The following COL6A5 variants were observed in gnomAD, a reference collection of about 807,000 sequenced individuals.
COL6A5 encodes collagen alpha-5(VI) chain.
In COL6A5, 48 loss-of-function variants were observed where a neutral mutation model predicts 65.6. The ratio of observed to expected loss-of-function variants is 0.73; its 90% CI spans 0.58 to 0.93. COL6A5 has a LOEUF of 0.93. Among genes scored for constraint, COL6A5 ranks in the 40% least tolerant of loss-of-function variants. COL6A5 has a pLI of 0.00. For synonymous variants in COL6A5, 291 were observed against 322.8 expected (o/e 0.90, Z 1.05); for missense variants, 914 against 928.3 (o/e 0.98, Z 0.20).
chr3:130,379,935 G>C (rs1052153893), exon 4 of COL6A5: 1 of 1,551,330 alleles, frequency 6.4e-7, no homozygotes. Context: ...CAATTTCCAC[G>C]CTGAAGTCCT....
At chr3:130,385,180 C>A (rs751002240) in exon 5 of COL6A5, 3 of 1,550,806 alleles carry the variant, frequency 1.9e-6, no homozygotes, top group African/African-American at 2.7e-5. Context: ...CAGACAGAGT[C>A]GTGGAACCTG....
intron 3 of COL6A5, among the ~76,000 whole-genome samples, chr3:130,377,135 C>T (rs1318221382): frequency 6.6e-6 from 1 of 152,078 alleles, no homozygotes; most frequent in Non-Finnish European, 1.5e-5. Flanking sequence ...TTTTGGGTTT[C>T]GGTTCCTTGC....
intron 6 of COL6A5, among the ~76,000 whole-genome samples, chr3:130,469,785 G>T (rs1458378830): frequency 6.6e-6 from 1 of 151,986 alleles, no homozygotes; most frequent in African/African-American, 2.4e-5. Flanking sequence ...AATCTTCAGT[G>T]CAGTCCTCAG....
At chr3:130,359,343 A>G (rs1356099162) in intron 1 of COL6A5, among the ~76,000 whole-genome samples, 1 of 152,154 alleles carries the variant, frequency 6.6e-6, no homozygotes, top group Non-Finnish European at 1.5e-5. Context: ...GAGCACAGCC[A>G]TGCAGGGCCA....
In COL6A5 at chr3:130,362,314, ATATATATATATATTT is replaced by A. The variant is rs1559858055; in HGVS notation, c.-28-11295_-28-11281del. On this transcript the variant is annotated intron_variant and NMD_transcript_variant, in intron 1 of 41. Transcript: ENST00000312481. ...CATATATATATATATATATATATAT[ATATATATATATATTT>A]TTTTTTTTTTTTTTTTTTGCATGTG... Among the ~76,000 whole-genome samples the A allele has an allele frequency of 3.9e-4, 6 of 15,512 alleles. 1 individual carries two copies. The highest frequency in any genetic ancestry group is 5.6e-4 in the Non-Finnish European group (4 of 7,154). 10.2% of individuals were successfully genotyped at this position (15,512 alleles called of 152,430 possible).
intron 1 of COL6A5, among the ~76,000 whole-genome samples, chr3:130,434,182 G>A (rs542711315): frequency 7.9e-5 from 12 of 152,218 alleles, no homozygotes; most frequent in African/African-American, 2.6e-4. Context: ...GTGAGAACAC[G>A]CGGTGTTTGG....
At chr3:130,391,070 G>GC in intron 6 of COL6A5, 109 bp from the exon 7 acceptor site, 1 of 754,844 alleles carries the variant, frequency 1.3e-6, no homozygotes, top group South Asian at 1.9e-5. Flanking sequence ...GAGATATAGT[G>GC]TCTGACACAT....
intron 1 of COL6A5, among the ~76,000 whole-genome samples, chr3:130,349,915 G>A (rs1481679792): frequency 6.6e-6 from 1 of 152,152 alleles, no homozygotes; most frequent in Non-Finnish European, 1.5e-5. Context: ...TTCTTGGCAT[G>A]GAACTCCTAT....
At chr3:130,346,068 T>G in intron 1 of COL6A5, 87 bp downstream of exon 1, 1 of 398,014 alleles carries the variant, frequency 2.5e-6, no homozygotes, top group East Asian at 3.6e-5. Flanking sequence ...AGGATTCTCC[T>G]TTCTGGTGAT....
chr3:130,429,494 TG>T, upstream of COL6A5: 3 of 1,271,750 alleles, frequency 2.4e-6, no homozygotes, highest in Non-Finnish European at 3.3e-6. Flanking sequence ...TTTTCAGCTT[TG>T]TTAAAATGTT....
intron 1 of COL6A5, among the ~76,000 whole-genome samples, chr3:130,349,563 CATAAT>C (rs1439479993): frequency 6.6e-6 from 1 of 152,104 alleles, no homozygotes; most frequent in Non-Finnish European, 1.5e-5. Context: ...TTAAGTAAAT[CATAAT>C]GTAATAATCT....
chr3:130,368,271 G>A (rs1034710060), intron 1 of COL6A5, among the ~76,000 whole-genome samples: 3 of 152,288 alleles, frequency 2.0e-5, no homozygotes, highest in Admixed American at 6.5e-5. Context: ...TTTATCAGTC[G>A]CAGGATATTC....
chr3:130,457,497 C>T (rs1436981831), intron 5 of COL6A5, among the ~76,000 whole-genome samples: 1 of 151,814 alleles, frequency 6.6e-6, no homozygotes, highest in Non-Finnish European at 1.5e-5. Context: ...GTGTAAGGTC[C>T]CATTTGGCTG....
intron 24 of COL6A5, among the ~76,000 whole-genome samples, chr3:130,418,581 A>G (rs185678452): frequency 2.8e-4 from 43 of 152,276 alleles, no homozygotes; most frequent in Non-Finnish European, 6.0e-4. Flanking sequence ...AGGCAAATGC[A>G]TCAGCAAATG....
intron 25 of COL6A5, among the ~76,000 whole-genome samples, chr3:130,419,391 T>G (rs1183215034): frequency 6.6e-6 from 1 of 152,154 alleles, no homozygotes; most frequent in Non-Finnish European, 1.5e-5. Flanking sequence ...GCAGCCAGTA[T>G]AGGAACAATT....
chr3:130,472,242 G>A (rs1468676372), intron 7 of COL6A5, among the ~76,000 whole-genome samples: 3 of 152,056 alleles, frequency 2.0e-5, no homozygotes, highest in Non-Finnish European at 4.4e-5. Flanking sequence ...GTGCAAAATC[G>A]GGGTGAAGGG....
intron 7 of COL6A5, chr3:130,476,758 G>A (rs1029088808): frequency 2.0e-6 from 1 of 505,454 alleles, no homozygotes; most frequent in Admixed American, 2.4e-5. Context: ...TTATCATCAA[G>A]TGTGCGTCTT....
intron 7 of COL6A5, among the ~76,000 whole-genome samples, chr3:130,475,930 G>A (rs775425044): frequency 3.3e-5 from 5 of 152,220 alleles, no homozygotes; most frequent in Admixed American, 6.5e-5. Context: ...AAGAGGTTTA[G>A]TGCCTTGCCA....
chr3:130,362,326 ATTTTT>A (rs374784717), intron 1 of COL6A5, among the ~76,000 whole-genome samples: 51 of 4,626 alleles, frequency 0.011, no homozygotes, highest in African/African-American at 0.022. Context: ...ATATATATAT[ATTTTT>A]TTTTTTTTTT....
Sources: allele counts gnomAD v4.1 joint callset (sites outside exome capture counted in the v4.1 genomes callset), GRCh38; gene constraint gnomAD v4.1.1; transcripts MANE v1.5; gene names NCBI Gene and HGNC (gene_info 2026-07-23, HGNC 2026-07-21).